The following INTS4 variants were observed in gnomAD, a reference collection of about 807,000 sequenced individuals.
INTS4 encodes integrator complex subunit 4.
INTS4 carries 70 observed loss-of-function variants against 119.5 expected under a neutral mutation model. The ratio of observed to expected loss-of-function variants is 0.59; its 90% confidence interval spans 0.48 to 0.71. The LOEUF (loss-of-function observed/expected upper bound fraction) is 0.71, where lower values mean the gene tolerates loss of function less well. Ranked by LOEUF, INTS4 falls within the 30% of genes least tolerant of loss-of-function variation. INTS4 has a pLI of 0.00. For synonymous variants in INTS4, 316 were observed against 419.6 expected, an observed-to-expected ratio of 0.75 and a Z score of 3.02; for missense variants, 867 against 1,173.2, an observed-to-expected ratio of 0.74 and a Z score of 3.81.
At chr11:77,985,774 A>G (rs1856432905) in intron 2 of INTS4, among the ~76,000 whole-genome samples, 2 of 152,192 alleles carry the variant, frequency 1.3e-5, no homozygotes, top group South Asian at 2.1e-4. Flanking sequence ...TACATACTAC[A>G]TATATGGTCT....
chr11:77,939,967 T>C (rs1211469175), intron 9 of INTS4, among the ~76,000 whole-genome samples: 1 of 152,060 alleles, frequency 6.6e-6, no homozygotes, highest in African/African-American at 2.4e-5. Context: ...TATGGGTAAA[T>C]TGTTTTCCTT....
intron 2 of INTS4, among the ~76,000 whole-genome samples, chr11:77,990,010 G>T (rs1379043929): frequency 6.6e-6 from 1 of 152,062 alleles, no homozygotes; most frequent in Non-Finnish European, 1.5e-5. Flanking sequence ...GAGGTCAGGA[G>T]TACAAGACCA....
At chr11:77,939,820 G>C (rs1248077897) in intron 9 of INTS4, among the ~76,000 whole-genome samples, 2 of 150,856 alleles carry the variant, frequency 1.3e-5, no homozygotes, top group Non-Finnish European at 1.5e-5. Context: ...ACTCCAGCCT[G>C]GGCGACAGAG....
intron 4 of INTS4, among the ~76,000 whole-genome samples, chr11:77,966,597 G>A (rs1855511206): frequency 6.6e-6 from 1 of 152,226 alleles, no homozygotes. Context: ...AAAATCAGCT[G>A]ACCATAAATG....
At chr11:77,958,500 C>G (rs1477853551) in intron 7 of INTS4, among the ~76,000 whole-genome samples, 1 of 152,148 alleles carries the variant, frequency 6.6e-6, no homozygotes, top group Non-Finnish European at 1.5e-5. Flanking sequence ...AATTTCTTCA[C>G]TTATGGATGA....
At chr11:77,887,536 A>G (rs1952067362) in intron 21 of INTS4, among the ~76,000 whole-genome samples, 2 of 151,990 alleles carry the variant, frequency 1.3e-5, no homozygotes, top group Non-Finnish European at 2.9e-5. Flanking sequence ...CTCTCTCAGC[A>G]CTCCTATTCA....
At chr11:77,898,963 T>A (rs1163550563) in intron 18 of INTS4, among the ~76,000 whole-genome samples, 1 of 152,180 alleles carries the variant, frequency 6.6e-6, no homozygotes, top group African/African-American at 2.4e-5. Flanking sequence ...GAGGTTGCAG[T>A]GAGTTGAGAT....
At chr11:77,906,053 C>T (rs1487991835) in intron 16 of INTS4, among the ~76,000 whole-genome samples, 4 of 152,008 alleles carry the variant, frequency 2.6e-5, no homozygotes, top group Admixed American at 2.0e-4. Flanking sequence ...ATTATTTCTT[C>T]CATAATTATA....
Position 77,994,611 on chromosome 11 carries a change from C to T in INTS4, c.33G>A (p.Glu11=). The T allele has an allele frequency of 6.2e-7, 1 of 1,614,106 alleles. No individual in the cohort carries two copies. ...TTACCTGAACCACTTTCGTGAATTCCTCATAAACCCGCTTCTTAAGGTGCG... is the reference window on the plus strand; with the variant it reads ...TTACCTGAACCACTTTCGTGAATTCTTCATAAACCCGCTTCTTAAGGTGCG... MAAHLKKRVY[E]EFTKVVQPQE... Residue 11 remains glutamate, a synonymous_variant, in exon 1 of 23, where the codon GAG becomes GAA. Coordinates refer to ENST00000534064, the MANE Select transcript of INTS4 (RefSeq NM_033547.4).
intron 15 of INTS4, among the ~76,000 whole-genome samples, chr11:77,914,439 C>T (rs2136466189): frequency 6.6e-6 from 1 of 152,332 alleles, no homozygotes; most frequent in Middle Eastern, 3.4e-3. Flanking sequence ...TTTTACTGGG[C>T]TCAGGGCCAA....
intron 8 of INTS4, among the ~76,000 whole-genome samples, chr11:77,955,237 T>C (rs1437009736): frequency 6.6e-6 from 1 of 152,104 alleles, no homozygotes; most frequent in Non-Finnish European, 1.5e-5. Flanking sequence ...CTCAGGAGGC[T>C]GAGGTGGAAG....
At chr11:77,989,745 C>CA (rs1856592100) in intron 2 of INTS4, among the ~76,000 whole-genome samples, 1 of 148,424 alleles carries the variant, frequency 6.7e-6, no homozygotes, top group Admixed American at 6.7e-5. Context: ...AAAAAAAATA[C>CA]AAAAATTAGC....
chr11:77,977,580 T>C (rs1355530829), intron 4 of INTS4, among the ~76,000 whole-genome samples: 1 of 151,746 alleles, frequency 6.6e-6, no homozygotes, highest in African/African-American at 2.4e-5. Flanking sequence ...AAAAGACAAA[T>C]AATGATTCCC....
chr11:77,958,642 AAAATGT>A, intron 7 of INTS4, 98 bp downstream of exon 7: 1 of 728,850 alleles, frequency 1.4e-6, no homozygotes, highest in Non-Finnish European at 2.4e-6. Flanking sequence ...TTGCCTTCCA[AAAATGT>A]AACCAACATT....
intron 1 of INTS4, among the ~76,000 whole-genome samples, chr11:77,992,821 CTT>C (rs1856751656): frequency 6.6e-6 from 1 of 152,174 alleles, no homozygotes; most frequent in African/African-American, 2.4e-5. Context: ...TTAAACATAA[CTT>C]TATTATACGT....
intron 4 of INTS4, among the ~76,000 whole-genome samples, chr11:77,963,660 A>T (rs1227337249): frequency 2.0e-5 from 3 of 152,164 alleles, no homozygotes; most frequent in South Asian, 4.1e-4. Context: ...AAAATAACAT[A>T]CTGATCCATT....
intron 10 of INTS4, among the ~76,000 whole-genome samples, chr11:77,933,724 C>T (rs1024205583): frequency 1.3e-5 from 2 of 151,934 alleles, no homozygotes; most frequent in Non-Finnish European, 2.9e-5. Flanking sequence ...CCTGCCGCCC[C>T]CTATGAGAAG....
chr11:77,931,119 T>C (rs1022562162), intron 10 of INTS4, among the ~76,000 whole-genome samples: 11 of 152,204 alleles, frequency 7.2e-5, no homozygotes, highest in African/African-American at 2.2e-4. Context: ...TGAAGAAATA[T>C]AGCTCAATCA....
intron 11 of INTS4, among the ~76,000 whole-genome samples, chr11:77,925,236 G>A (rs1271540826): frequency 2.6e-5 from 4 of 152,180 alleles, no homozygotes; most frequent in African/African-American, 9.7e-5. Flanking sequence ...AGAACACTCA[G>A]AACACACATA....
Sources: allele counts gnomAD v4.1 joint callset (sites outside exome capture counted in the v4.1 genomes callset), GRCh38; gene constraint gnomAD v4.1.1; transcripts MANE v1.5; gene names NCBI Gene and HGNC (gene_info 2026-07-23, HGNC 2026-07-21).